Variants in DGKH observed in about 807,000 individuals in gnomAD.
The protein encoded by DGKH is DAG kinase eta.
In DGKH, 90 loss-of-function variants were observed where a neutral mutation model predicts 159.3. That is an observed-to-expected ratio of 0.57 (90% CI 0.48 to 0.67). The LOEUF (loss-of-function observed/expected upper bound fraction) is 0.67, where lower values mean the gene tolerates loss of function less well. Ranked by LOEUF, DGKH falls within the 30% of genes least tolerant of loss-of-function variation. The pLI is 0.00. For missense variants in DGKH, 1,181 were observed against 1,506.1 expected, an observed-to-expected ratio of 0.78 and a Z score of 3.57; for synonymous variants, 536 against 553.8, an observed-to-expected ratio of 0.97 and a Z score of 0.45.
chr13:42,145,335 T>C (rs1420492246), intron 3 of DGKH, among the ~76,000 whole-genome samples: 4 of 152,158 alleles, frequency 2.6e-5, no homozygotes, highest in African/African-American at 9.7e-5. Flanking sequence ...GAGTGTTATC[T>C]AGTTGGAGAT....
intron 3 of DGKH, among the ~76,000 whole-genome samples, chr13:42,132,521 C>T (rs1438015323): frequency 2.0e-5 from 3 of 152,204 alleles, no homozygotes; most frequent in African/African-American, 4.8e-5. Flanking sequence ...TTATACAGGT[C>T]TTTCTTGGCC....
chr13:42,213,176 C>T (rs1220814945), intron 24 of DGKH, among the ~76,000 whole-genome samples: 1 of 151,964 alleles, frequency 6.6e-6, no homozygotes, highest in Non-Finnish European at 1.5e-5. Context: ...TAGAAGTTGT[C>T]CCTATAAAAA....
chr13:42,191,388 G>GTT (rs1957060999), intron 16 of DGKH, among the ~76,000 whole-genome samples: 1 of 152,074 alleles, frequency 6.6e-6, no homozygotes, highest in Admixed American at 6.5e-5. Context: ...GCTAACTATT[G>GTT]GGTCCTATGC....
At chr13:42,131,005 T>C (rs748469998) in intron 3 of DGKH, among the ~76,000 whole-genome samples, 13 of 151,792 alleles carry the variant, frequency 8.6e-5, no homozygotes, top group Non-Finnish European at 1.6e-4. Flanking sequence ...CGTCCTATAC[T>C]GTAGAGAGGT....
intron 13 of DGKH, among the ~76,000 whole-genome samples, chr13:42,182,274 C>G (rs1956785461): frequency 6.6e-6 from 1 of 152,196 alleles, no homozygotes; most frequent in Non-Finnish European, 1.5e-5. Context: ...ATAATTACTT[C>G]CCACTGTACC....
intron 1 of DGKH, among the ~76,000 whole-genome samples, chr13:42,051,510 A>G (rs1186310364): frequency 1.3e-5 from 2 of 152,214 alleles, no homozygotes; most frequent in Admixed American, 6.5e-5. Context: ...GTTGGTTCCC[A>G]GTCTTCAATT....
chr13:42,167,912 C>T (rs1163111093), intron 9 of DGKH, among the ~76,000 whole-genome samples: 6 of 151,900 alleles, frequency 3.9e-5, no homozygotes, highest in Admixed American at 2.0e-4. Context: ...ATTTAGGAGA[C>T]GGGATGTGTC....
chr13:42,206,270 G>A (rs942178986), intron 21 of DGKH, 124 bp downstream of exon 21: 2 of 476,620 alleles, frequency 4.2e-6, no homozygotes, highest in African/African-American at 2.0e-5. Flanking sequence ...CATTGGGTAA[G>A]TGAGGCATGG....
At chr13:42,157,909 G>A (rs1010464494) in intron 5 of DGKH, among the ~76,000 whole-genome samples, 1 of 152,072 alleles carries the variant, frequency 6.6e-6, no homozygotes, top group Non-Finnish European at 1.5e-5. Flanking sequence ...ACAGGCATGC[G>A]CCATCACACC....
chr13:42,103,723 T>C (rs1954693997), intron 1 of DGKH, among the ~76,000 whole-genome samples: 1 of 152,154 alleles, frequency 6.6e-6, no homozygotes, highest in Non-Finnish European at 1.5e-5. Context: ...CATAAGCAAT[T>C]TATTAAACTA....
At chr13:42,109,006 T>A (rs1190684696) in intron 1 of DGKH, among the ~76,000 whole-genome samples, 2 of 152,072 alleles carry the variant, frequency 1.3e-5, no homozygotes, top group African/African-American at 4.8e-5. Flanking sequence ...CGGGAAGGAA[T>A]GGATGGAGAG....
intron 7 of DGKH, among the ~76,000 whole-genome samples, chr13:42,160,661 T>A (rs1594118176): frequency 6.6e-6 from 1 of 152,148 alleles, no homozygotes; most frequent in Non-Finnish European, 1.5e-5. Context: ...GACAGTGGCA[T>A]GGGACTGAAA....
At chr13:42,112,283 G>C (rs953192910) in intron 1 of DGKH, among the ~76,000 whole-genome samples, 6 of 74,774 alleles carry the variant, frequency 8.0e-5, no homozygotes, top group African/African-American at 4.2e-4. Flanking sequence ...TAGCCTTGTG[G>C]CTTTTTTTTT....
intron 3 of DGKH, among the ~76,000 whole-genome samples, chr13:42,144,082 A>C (rs544279148): frequency 6.6e-6 from 1 of 152,350 alleles, no homozygotes; most frequent in African/African-American, 2.4e-5. Flanking sequence ...CATCTCATTG[A>C]AACAGCAGAG....
chr13:42,173,755 G>A (rs1394181471), intron 11 of DGKH, among the ~76,000 whole-genome samples: 1 of 152,140 alleles, frequency 6.6e-6, no homozygotes, highest in Non-Finnish European at 1.5e-5. Context: ...AAGAAATGGG[G>A]GCGTTGTAAC....
chr13:42,105,380 C>T (rs1284386696), intron 1 of DGKH, among the ~76,000 whole-genome samples: 1 of 152,152 alleles, frequency 6.6e-6, no homozygotes, highest in Non-Finnish European at 1.5e-5. Context: ...GACCCAGACA[C>T]CTCTCATTAG....
intron 3 of DGKH, among the ~76,000 whole-genome samples, chr13:42,145,500 A>C (rs1365143267): frequency 6.6e-6 from 1 of 152,170 alleles, no homozygotes; most frequent in African/African-American, 2.4e-5. Context: ...AGCTGCTCCC[A>C]CTGAGATGGA....
intron 21 of DGKH, among the ~76,000 whole-genome samples, chr13:42,207,123 C>CTCTTTCCT (rs1298746637): frequency 5.7e-5 from 3 of 52,310 alleles, no homozygotes; most frequent in African/African-American, 6.4e-5. Context: ...CTCTTTCTCT[C>CTCTTTCCT]TCCTTCCTTC....
chr13:42,205,358 T>A (rs1957439016), intron 20 of DGKH, among the ~76,000 whole-genome samples: 1 of 152,196 alleles, frequency 6.6e-6, no homozygotes, highest in South Asian at 2.1e-4. Flanking sequence ...ACAGCATTAA[T>A]TGAAATTAAG....
Sources: gnomAD v4.1 joint callset for allele counts (sites outside exome capture counted in the v4.1 genomes callset) on GRCh38, gnomAD v4.1.1 for gene constraint, MANE v1.5 for transcripts, NCBI Gene and HGNC (gene_info 2026-07-23, HGNC 2026-07-21) for gene names.